The following POU2AF3 variants were observed in gnomAD, a reference collection of about 807,000 sequenced individuals.
The protein encoded by POU2AF3 is cancer susceptibility candidate 13.
chr11:111,299,171 C>T, the POU2AF3 span: 1 of 959,620 alleles, frequency 1.0e-6, no homozygotes, highest in Non-Finnish European at 1.2e-6. Context: ...GACCCTAACT[C>T]CTGGAACCCG....
the POU2AF3 span, chr11:111,299,676 C>G: frequency 8.1e-7 from 1 of 1,231,122 alleles, no homozygotes. Context: ...GGACTCGCCC[C>G]GGAGCCTCAG....
At chr11:111,306,352 C>A in the POU2AF3 span, 3 of 1,225,086 alleles carry the variant, frequency 2.4e-6, no homozygotes, top group Non-Finnish European at 3.3e-6. Context: ...CTGTGTTTTG[C>A]AATTTTTATG....
At chr11:111,300,599 A>G in the POU2AF3 span, 1 of 1,232,100 alleles carries the variant, frequency 8.1e-7, no homozygotes, top group Non-Finnish European at 1.0e-6. Context: ...AGACGGGCAC[A>G]CCAGGCGGCC....
chr11:111,304,432 T>G, the POU2AF3 span, among the ~76,000 whole-genome samples: 1 of 152,168 alleles, frequency 6.6e-6, no homozygotes, highest in Middle Eastern at 3.2e-3. Context: ...AATTTTTTAC[T>G]AAAAATTAAT....
At chr11:111,303,596 AT>A in the POU2AF3 span, among the ~76,000 whole-genome samples, 1 of 152,334 alleles carries the variant, frequency 6.6e-6, no homozygotes, top group East Asian at 1.9e-4. Context: ...AATGAGGCAG[AT>A]TTTTTAATAC....
chr11:111,306,182 C>A, the POU2AF3 span, among the ~76,000 whole-genome samples: 1 of 152,114 alleles, frequency 6.6e-6, no homozygotes, highest in African/African-American at 2.4e-5. Flanking sequence ...AGTTTTACAG[C>A]CAGTTTCCAC....
At chr11:111,298,826 G>GCCGGGGGGCCCCCCC in the POU2AF3 span, 1 of 790,962 alleles carries the variant, frequency 1.3e-6, no homozygotes, top group Non-Finnish European at 1.7e-6. Flanking sequence ...CGTACCCCAG[G>GCCGGGGGGCCCCCCC]CCCCCGCCCG....
At chr11:111,303,889 A>AT in the POU2AF3 span, among the ~76,000 whole-genome samples, 18 of 140,086 alleles carry the variant, frequency 1.3e-4, no homozygotes, top group East Asian at 3.8e-3. Context: ...CACACCTGAA[A>AT]TTTAAAAAAA....
the POU2AF3 span, chr11:111,300,072 T>G: frequency 2.5e-6 from 1 of 392,572 alleles, no homozygotes; most frequent in Non-Finnish European, 4.5e-6. Flanking sequence ...CACAGTGGGG[T>G]GGGCTACGTC....
At chr11:111,304,556 G>C in the POU2AF3 span, among the ~76,000 whole-genome samples, 1 of 152,102 alleles carries the variant, frequency 6.6e-6, no homozygotes, top group East Asian at 1.9e-4. Context: ...TAAGAAGTCT[G>C]TTTTATGATT....
the POU2AF3 span, chr11:111,308,282 T>C: frequency 7.1e-6 from 11 of 1,551,802 alleles, no homozygotes; most frequent in East Asian, 2.7e-4. Flanking sequence ...CACCTCCATC[T>C]GCTACTGCGC....
chr11:111,308,230 C>T, the POU2AF3 span: 1 of 1,551,736 alleles, frequency 6.4e-7, no homozygotes, highest in Admixed American at 2.0e-5. Context: ...CCTACCAACA[C>T]TTGTCCTCAC....
At chr11:111,298,673 A>T in the POU2AF3 span, 1 of 1,198,308 alleles carries the variant, frequency 8.3e-7, no homozygotes, top group Non-Finnish European at 1.1e-6. Context: ...TTTCCTGCAT[A>T]GAACAGAGAG....
chr11:111,307,410 T>G, the POU2AF3 span, among the ~76,000 whole-genome samples: 1 of 152,224 alleles, frequency 6.6e-6, no homozygotes, highest in Non-Finnish European at 1.5e-5. Context: ...GACTAAATTT[T>G]AGAGCGGATG....
chr11:111,308,091 C>A, the POU2AF3 span: 1 of 1,512,332 alleles, frequency 6.6e-7, no homozygotes, highest in Non-Finnish European at 8.9e-7. Context: ...CCTTCAAATT[C>A]CTCCATTCTC....
chr11:111,308,623 A>G, the POU2AF3 span: 2 of 475,436 alleles, frequency 4.2e-6, no homozygotes. Context: ...CGCCACTCCT[A>G]CTTTGTATGC....
chr11:111,302,885 G>C, the POU2AF3 span, among the ~76,000 whole-genome samples: 22 of 152,302 alleles, frequency 1.4e-4, no homozygotes, highest in Non-Finnish European at 2.1e-4. Flanking sequence ...CAGACACCAG[G>C]GGATGATGTT....
At chr11:111,299,768 AG>A in the POU2AF3 span, 2 of 1,193,884 alleles carry the variant, frequency 1.7e-6, no homozygotes, top group Non-Finnish European at 2.1e-6. Flanking sequence ...GCGGGGGCGA[AG>A]GAGGGAGGAG....
At chr11:111,308,269 C>T in the POU2AF3 span, 1 of 1,551,796 alleles carries the variant, frequency 6.4e-7, no homozygotes, top group South Asian at 1.2e-5. Context: ...TCTCCTCGGC[C>T]ACCACCTCCA....
Sources: gnomAD v4.1 joint callset for allele counts (sites outside exome capture counted in the v4.1 genomes callset) on GRCh38, gnomAD v4.1.1 for gene constraint, MANE v1.5 for transcripts, NCBI Gene and HGNC (gene_info 2026-07-23, HGNC 2026-07-21) for gene names.